The following CDH8 variants were observed in gnomAD, a reference collection of about 807,000 sequenced individuals.
The protein encoded by CDH8 is cadherin-8.
In CDH8, 17 loss-of-function variants were observed where a neutral mutation model predicts 68.1. The observed-to-expected ratio is 0.25, with a 90% CI of 0.17 to 0.37. The LOEUF is 0.37. CDH8 is among the 10% of genes least tolerant of loss of function. The pLI, the probability that CDH8 is intolerant of heterozygous loss-of-function variation, is 1.00. For synonymous variants in CDH8, 372 were observed against 365.1 expected, an observed-to-expected ratio of 1.02 and a Z score of -0.21; for missense variants, 763 against 999.3, an observed-to-expected ratio of 0.76 and a Z score of 3.19.
intron 3 of CDH8, among the ~76,000 whole-genome samples, chr16:61,861,792 A>G (rs1329385912): frequency 9.7e-6 from 1 of 103,594 alleles, no homozygotes; most frequent in African/African-American, 7.0e-5. Context: ...GAAGGTGAAC[A>G]TTATTGTTAC....
intron 10 of CDH8, among the ~76,000 whole-genome samples, chr16:61,690,564 A>G (rs573231240): frequency 1.3e-5 from 2 of 152,166 alleles, no homozygotes; most frequent in East Asian, 3.9e-4. Context: ...TACACTTTTG[A>G]TAAGCACACA....
At chr16:61,755,923 C>T (rs1265822791) in intron 8 of CDH8, among the ~76,000 whole-genome samples, 30 of 151,960 alleles carry the variant, frequency 2.0e-4, no homozygotes, top group Non-Finnish European at 2.9e-5. Context: ...CTGGTTCAAG[C>T]GATTCTTGTG....
chr16:61,931,002 A>G (rs1358954993), intron 2 of CDH8, among the ~76,000 whole-genome samples: 2 of 152,234 alleles, frequency 1.3e-5, no homozygotes, highest in African/African-American at 4.8e-5. Context: ...TAGCCACATT[A>G]TCAAATTAAA....
intron 9 of CDH8, among the ~76,000 whole-genome samples, chr16:61,715,636 C>G (rs1260313704): frequency 6.6e-6 from 1 of 151,548 alleles, no homozygotes; most frequent in Non-Finnish European, 1.5e-5. Flanking sequence ...TGTAACAACT[C>G]TGTTACTCAA....
chr16:61,678,320 C>G (rs551993359), intron 10 of CDH8, among the ~76,000 whole-genome samples: 1 of 152,026 alleles, frequency 6.6e-6, no homozygotes, highest in South Asian at 2.1e-4. Flanking sequence ...TGGTCATGAC[C>G]AATGTTTGGC....
At chr16:61,750,527 G>A (rs1291076571) in intron 8 of CDH8, among the ~76,000 whole-genome samples, 1 of 152,076 alleles carries the variant, frequency 6.6e-6, no homozygotes, top group South Asian at 2.1e-4. Context: ...TCCATCTCAC[G>A]TGGTTCTTAC....
chr16:61,868,169 G>A (rs905293601), intron 3 of CDH8, among the ~76,000 whole-genome samples: 10 of 152,150 alleles, frequency 6.6e-5, no homozygotes, highest in Admixed American at 2.0e-4. Context: ...ATAAGGACAC[G>A]AGAATGCTCC....
intron 3 of CDH8, among the ~76,000 whole-genome samples, chr16:61,888,190 C>T (rs572128735): frequency 2.6e-5 from 4 of 152,114 alleles, no homozygotes; most frequent in Admixed American, 6.6e-5. Flanking sequence ...TTCAGGTTCG[C>T]GGAGTCCTAG....
In CDH8 at chr16:61,879,715, A is replaced by G. The variant is rs566665285; in HGVS notation, c.547+21464T>C. On this transcript the variant is annotated intron_variant, in intron 3 of 11. Coordinates refer to ENST00000577390, the MANE Select transcript of CDH8 (RefSeq NM_001796.5). ...ATTTTCTTAGTTCTACCCTCCTTTC[A>G]TCTACTACATATTTGCTGAGATGTC... 5.9e-5 allele frequency among the ~76,000 whole-genome samples: 9 copies of G among 152,154 alleles called. 1 individual carries two copies. The South Asian group carries it at 1.9e-3, about 32-fold the overall frequency.
At chr16:61,714,064 G>T (rs1206536352) in intron 9 of CDH8, 106 bp from the exon 10 acceptor site, 1 of 755,718 alleles carries the variant, frequency 1.3e-6, no homozygotes, top group Non-Finnish European at 2.3e-6. Flanking sequence ...TTGGCTCAGA[G>T]ACTCTTTTTC....
Position 61,727,201 on chromosome 16 carries a change from T to C in CDH8, c.1429A>G (p.Ile477Val), listed in dbSNP as rs761994642. The change falls in exon 9 of 12, where the codon ATA (isoleucine) becomes GTA (valine). Residue 477 changes from isoleucine (I) to valine (V), a missense_variant. Ile to Val is a conservative substitution (Grantham distance 29). Coordinates refer to ENST00000577390, the MANE Select transcript of CDH8 (RefSeq NM_001796.5). ...IATEIRNHSQ[I>V]SRVPVAIKVL... ...TTAATAGCAACAGGTACTCGTGATA[T>C]CTGACTGTGGTTCCCTATGGGAAGG... 7 of 1,608,626 alleles carry C rather than the reference T, an allele frequency of 4.4e-6. No homozygotes were observed. The highest frequency in any genetic ancestry group is 3.4e-5 in the Admixed American group (2 of 59,654).
chr16:61,753,344 A>G, intron 8 of CDH8, among the ~76,000 whole-genome samples: 1 of 151,832 alleles, frequency 6.6e-6, no homozygotes, highest in Non-Finnish European at 1.5e-5. Flanking sequence ...GGCTCAAGCA[A>G]TCCTCTCACC....
intron 2 of CDH8, among the ~76,000 whole-genome samples, chr16:61,979,558 A>G (rs964068831): frequency 6.6e-6 from 1 of 152,094 alleles, no homozygotes; most frequent in Non-Finnish European, 1.5e-5. Context: ...TATCAACCAA[A>G]TGTAATAGGC....
At chr16:61,973,556 T>A (rs1965381738) in intron 2 of CDH8, among the ~76,000 whole-genome samples, 1 of 152,306 alleles carries the variant, frequency 6.6e-6, no homozygotes, top group Non-Finnish European at 1.5e-5. Context: ...CAGGTGCATG[T>A]GGTTATCTGG....
intron 8 of CDH8, among the ~76,000 whole-genome samples, chr16:61,784,726 T>A (rs1328790265): frequency 6.0e-5 from 9 of 149,448 alleles, no homozygotes; most frequent in South Asian, 2.2e-4. Flanking sequence ...ACAGAAATTA[T>A]AACAAACTGT....
At chr16:62,005,105 A>G (rs535363700) in intron 2 of CDH8, among the ~76,000 whole-genome samples, 8 of 152,304 alleles carry the variant, frequency 5.3e-5, no homozygotes, top group Admixed American at 3.9e-4. Flanking sequence ...AGTTCCCAGC[A>G]TGCTGATTTT....
At chr16:61,912,412 A>C (rs995504720) in intron 2 of CDH8, among the ~76,000 whole-genome samples, 1 of 152,128 alleles carries the variant, frequency 6.6e-6, no homozygotes, top group Non-Finnish European at 1.5e-5. Context: ...GCTTGTGACA[A>C]AAATCCCTGC....
intron 2 of CDH8, among the ~76,000 whole-genome samples, chr16:61,921,475 C>G (rs1964365705): frequency 6.6e-6 from 1 of 152,262 alleles, no homozygotes; most frequent in East Asian, 1.9e-4. Flanking sequence ...TTACCCACAT[C>G]AAAATCTGAG....
intron 1 of CDH8, among the ~76,000 whole-genome samples, chr16:62,033,867 G>A (rs1274594201): frequency 2.7e-5 from 4 of 147,936 alleles, no homozygotes; most frequent in Non-Finnish European, 3.0e-5. Context: ...TCAGAGTCCA[G>A]AAAAAAAAAA....
Sources: allele counts gnomAD v4.1 joint callset (sites outside exome capture counted in the v4.1 genomes callset), GRCh38; gene constraint gnomAD v4.1.1; transcripts MANE v1.5; gene names NCBI Gene and HGNC (gene_info 2026-07-23, HGNC 2026-07-21).